The following ASIC2 variants were observed in gnomAD, a reference collection of about 807,000 sequenced individuals.
The protein encoded by ASIC2 is acid sensing ion channel subunit 2.
In ASIC2, 25 loss-of-function variants were observed where a neutral mutation model predicts 57.3. That is an observed-to-expected ratio of 0.44 (90% CI 0.32 to 0.61). ASIC2 has a LOEUF of 0.61. Ranked by LOEUF, ASIC2 falls within the 20% of genes least tolerant of loss-of-function variation. The pLI is 0.06. For missense variants in ASIC2, 641 were observed against 738.1 expected (o/e 0.87, Z 1.52); for synonymous variants, 319 against 307.5 (o/e 1.04, Z -0.39).
At chr17:33,825,026 C>T (rs1014781377) in intron 1 of ASIC2, among the ~76,000 whole-genome samples, 5 of 152,288 alleles carry the variant, frequency 3.3e-5, no homozygotes, top group Admixed American at 1.3e-4. Context: ...CTCCCCGTCT[C>T]GCTCTCTACT....
chr17:33,917,890 GCACACA>G (rs71364627), intron 1 of ASIC2, among the ~76,000 whole-genome samples: 74 of 132,568 alleles, frequency 5.6e-4, no homozygotes, highest in African/African-American at 1.5e-3. Context: ...ACGTGCATGT[GCACACA>G]CACACACACA....
At chr17:33,196,844 C>A (rs887911043) in intron 1 of ASIC2, among the ~76,000 whole-genome samples, 1 of 152,218 alleles carries the variant, frequency 6.6e-6, no homozygotes, top group Non-Finnish European at 1.5e-5. Context: ...ACCAAGGGCT[C>A]CTGGCAGCAT....
chr17:34,064,285 C>A (rs2142062800), intron 1 of ASIC2, among the ~76,000 whole-genome samples: 1 of 152,204 alleles, frequency 6.6e-6, no homozygotes, highest in East Asian at 1.9e-4. Flanking sequence ...GAAAGGACAC[C>A]CTTTTCAACA....
chr17:33,698,602 C>A (rs1270905203), intron 1 of ASIC2, among the ~76,000 whole-genome samples: 1 of 152,092 alleles, frequency 6.6e-6, no homozygotes, highest in East Asian at 1.9e-4. Context: ...GTTCCCACTG[C>A]AAAACATCAC....
chr17:33,293,853 A>G (rs1905610831), upstream of ASIC2, among the ~76,000 whole-genome samples: 2 of 151,998 alleles, frequency 1.3e-5, no homozygotes, highest in Non-Finnish European at 2.9e-5. Context: ...TGGGTTTGAA[A>G]TGCATGTGTT....
intron 1 of ASIC2, among the ~76,000 whole-genome samples, chr17:33,954,231 C>T (rs1369247945): frequency 6.6e-5 from 10 of 152,302 alleles, no homozygotes; most frequent in African/African-American, 1.2e-4. Context: ...CAGGCAAAAC[C>T]GTGCCCCAGC....
chr17:33,635,338 T>C (rs1906322781), intron 1 of ASIC2, among the ~76,000 whole-genome samples: 1 of 152,248 alleles, frequency 6.6e-6, no homozygotes, highest in South Asian at 2.1e-4. Context: ...CAGTCATTAT[T>C]ATCCTCTTTT....
chr17:33,459,941 T>C (rs1489222118), intron 1 of ASIC2, among the ~76,000 whole-genome samples: 3 of 152,272 alleles, frequency 2.0e-5, no homozygotes, highest in South Asian at 2.1e-4. Flanking sequence ...AGTCCTTGGT[T>C]TGTAGTTAAA....
chr17:33,965,216 G>A (rs1334021479), intron 1 of ASIC2, among the ~76,000 whole-genome samples: 1 of 152,204 alleles, frequency 6.6e-6, no homozygotes. Flanking sequence ...AGCAAATCAA[G>A]GTTCAGAGGG....
chr17:33,479,805 GC>G (rs1913344189), intron 1 of ASIC2, among the ~76,000 whole-genome samples: 1 of 152,080 alleles, frequency 6.6e-6, no homozygotes, highest in Non-Finnish European at 1.5e-5. Flanking sequence ...AAGGCCCTGT[GC>G]CCCCCTCCCC....
chr17:33,373,830 C>G (rs888772654), intron 1 of ASIC2, among the ~76,000 whole-genome samples: 1 of 152,042 alleles, frequency 6.6e-6, no homozygotes, highest in Non-Finnish European at 1.5e-5. Flanking sequence ...AGAGGCCCAC[C>G]ACCATGCTGG....
chr17:33,886,953 A>G (rs1007691061), intron 1 of ASIC2, among the ~76,000 whole-genome samples: 5 of 152,092 alleles, frequency 3.3e-5, no homozygotes, highest in African/African-American at 1.2e-4. Flanking sequence ...CAAACAAACT[A>G]ACAAAAAAAA....
chr17:33,777,797 G>T (rs1911329724), intron 1 of ASIC2, among the ~76,000 whole-genome samples: 1 of 152,182 alleles, frequency 6.6e-6, no homozygotes, highest in Non-Finnish European at 1.5e-5. Flanking sequence ...CAGGTGTGCG[G>T]TTATTATCGT....
At chr17:34,100,177 CTT>C (rs1910808320) in intron 1 of ASIC2, among the ~76,000 whole-genome samples, 3 of 97,128 alleles carry the variant, frequency 3.1e-5, no homozygotes, top group African/African-American at 9.2e-5. Flanking sequence ...TTCTTCCTCT[CTT>C]TCTTGTTTTT....
At chr17:33,379,737 A>G (rs1272053373) in intron 1 of ASIC2, among the ~76,000 whole-genome samples, 1 of 152,192 alleles carries the variant, frequency 6.6e-6, no homozygotes, top group Non-Finnish European at 1.5e-5. Flanking sequence ...TACTGCTCTT[A>G]TTCATTTTAC....
chr17:34,036,648 T>G (rs919021774), intron 1 of ASIC2: 1 of 150,024 alleles, frequency 6.7e-6, no homozygotes, highest in East Asian at 2.0e-4. Flanking sequence ...GGGCTACTTG[T>G]GGACTGTATA....
chr17:33,043,785 C>G (rs1031474795), intron 3 of ASIC2, among the ~76,000 whole-genome samples: 1 of 152,176 alleles, frequency 6.6e-6, no homozygotes, highest in Non-Finnish European at 1.5e-5. Flanking sequence ...GGCGTTTGGA[C>G]AATCAGACCA....
intron 1 of ASIC2, among the ~76,000 whole-genome samples, chr17:33,740,386 CA>C (rs1442600140): frequency 1.3e-5 from 2 of 152,138 alleles, no homozygotes; most frequent in African/African-American, 4.8e-5. Context: ...GATGGGGAAG[CA>C]AACATGTTCT....
At chr17:33,747,788 C>A (rs920500003) in intron 1 of ASIC2, among the ~76,000 whole-genome samples, 40 of 152,336 alleles carry the variant, frequency 2.6e-4, no homozygotes, top group African/African-American at 9.6e-4. Context: ...CCCTCCCCTT[C>A]TTCCCCAGGT....
Sources: allele counts gnomAD v4.1 joint callset (sites outside exome capture counted in the v4.1 genomes callset), GRCh38; gene constraint gnomAD v4.1.1; transcripts MANE v1.5; gene names NCBI Gene and HGNC (gene_info 2026-07-23, HGNC 2026-07-21).